Variants in TSC22D1 observed in about 807,000 individuals in gnomAD.
TSC22D1 encodes TSC22 domain family protein 1.
A neutral mutation model predicts 74.2 loss-of-function variants in TSC22D1; 9 were observed. The observed-to-expected ratio is 0.12, with a 90% CI of 0.07 to 0.21. The LOEUF (loss-of-function observed/expected upper bound fraction) is 0.21, where lower values mean the gene tolerates loss of function less well. Among genes scored for constraint, TSC22D1 ranks in the 10% least tolerant of loss-of-function variants. The probability of loss-of-function intolerance (pLI) is 1.00; values close to 1 mark genes in which losing one functional copy is unlikely to be tolerated. For synonymous variants in TSC22D1, 586 were observed against 492.5 expected, an observed-to-expected ratio of 1.19 and a Z score of -2.51; for missense variants, 1,427 against 1,304.7, an observed-to-expected ratio of 1.09 and a Z score of -1.44.
intron 1 of TSC22D1, among the ~76,000 whole-genome samples, chr13:44,437,923 G>GT (rs1224223774): frequency 6.6e-6 from 1 of 152,166 alleles, no homozygotes; most frequent in East Asian, 1.9e-4. Context: ...GCTCACCTCT[G>GT]TTTCACCCTC....
At chr13:44,442,376 A>G (rs903709208) in intron 1 of TSC22D1, among the ~76,000 whole-genome samples, 6 of 152,248 alleles carry the variant, frequency 3.9e-5, no homozygotes, top group African/African-American at 1.4e-4. Context: ...ATAGACAGGA[A>G]CATTAAAAAC....
At chr13:44,524,445 A>G (rs954239634) in intron 1 of TSC22D1, among the ~76,000 whole-genome samples, 1 of 152,218 alleles carries the variant, frequency 6.6e-6, no homozygotes, top group African/African-American at 2.4e-5. Context: ...CTGGAAGAAA[A>G]ACTTAAATAG....
At chr13:44,448,979 C>T (rs535464764) in intron 1 of TSC22D1, among the ~76,000 whole-genome samples, 34 of 151,998 alleles carry the variant, frequency 2.2e-4, no homozygotes, top group Non-Finnish European at 3.5e-4. Flanking sequence ...CTGATCTCAA[C>T]GGAGCCACAG....
intron 1 of TSC22D1, among the ~76,000 whole-genome samples, chr13:44,522,654 A>G (rs879308051): frequency 1.3e-5 from 2 of 152,198 alleles, no homozygotes; most frequent in Non-Finnish European, 2.9e-5. Flanking sequence ...AATCTATCCA[A>G]CACTGACCTT....
At chr13:44,508,674 T>C (rs1017025574) in intron 1 of TSC22D1, among the ~76,000 whole-genome samples, 11 of 152,118 alleles carry the variant, frequency 7.2e-5, no homozygotes, top group African/African-American at 2.2e-4. Context: ...CACAGTATAA[T>C]AGGAACCTAA....
intron 1 of TSC22D1, among the ~76,000 whole-genome samples, chr13:44,528,857 T>C (rs184637856): frequency 1.4e-3 from 206 of 152,254 alleles, no homozygotes; most frequent in African/African-American, 4.2e-3. Flanking sequence ...TGAGCAGTTC[T>C]GTCTCCACAA....
intron 1 of TSC22D1, among the ~76,000 whole-genome samples, chr13:44,522,883 A>T (rs545251190): frequency 6.6e-6 from 1 of 152,302 alleles, no homozygotes; most frequent in South Asian, 2.1e-4. Flanking sequence ...AAAAATGAAA[A>T]GACAAGCCAC....
chr13:44,468,938 T>C (rs926847477), intron 1 of TSC22D1, among the ~76,000 whole-genome samples: 7 of 151,910 alleles, frequency 4.6e-5, no homozygotes, highest in Admixed American at 2.0e-4. Context: ...CCTAATAATA[T>C]CTTAAAGGCT....
At position 44,436,112 on chromosome 13, in the gene TSC22D1, A is replaced by G. The variant is rs1874593209; in HGVS notation, c.2913-17T>C. The G allele has an allele frequency of 6.2e-7, 1 of 1,606,176 alleles. No individual in the cohort carries two copies. The highest frequency in any genetic ancestry group is 1.1e-5 in the South Asian group (1 of 89,394). On this transcript the variant is annotated splice_polypyrimidine_tract_variant and intron_variant, in intron 1 of 2. Transcript: ENST00000458659. The stretch of plus-strand genomic sequence containing the variant: ...CCAGAGGAGCTGAAAAAGAGGAGGG[A>G]AAAAGGTCATCGATAAATGGAATTT...
intron 1 of TSC22D1, among the ~76,000 whole-genome samples, chr13:44,515,879 T>C (rs1333560056): frequency 1.3e-5 from 2 of 152,228 alleles, no homozygotes; most frequent in Non-Finnish European, 2.9e-5. Flanking sequence ...CTTTGCAATA[T>C]GTACCATTTT....
In TSC22D1 at chr13:44,434,607, T is replaced by C. The variant is rs746192578; in HGVS notation, c.*19A>G. On this transcript the variant is annotated 3_prime_UTR_variant, in exon 3 of 3. Coordinates refer to ENST00000458659, the MANE Select transcript of TSC22D1 (RefSeq NM_183422.4). ...GTTCAGTTCACACGCAGCAGCCAGT[T>C]CTGCGGGGGCATAGGCAGCTATGCG... The C allele has an allele frequency of 2.0e-6, 3 of 1,515,402 alleles. No homozygotes were observed. The Admixed American group carries it at 6.8e-5, about 35-fold the overall frequency. 93.9% of individuals were successfully genotyped at this position (1,515,402 alleles called of 1,614,324 possible). A position where few individuals can be genotyped will look rare whatever the true frequency, so the allele number is the denominator to read the frequency against.
intron 1 of TSC22D1, among the ~76,000 whole-genome samples, chr13:44,554,331 T>C (rs1253398453): frequency 6.6e-6 from 1 of 152,178 alleles, no homozygotes; most frequent in Non-Finnish European, 1.5e-5. Flanking sequence ...AAACTCTACC[T>C]CATTATGCTT....
At chr13:44,444,472 C>A (rs566322651) in intron 1 of TSC22D1, among the ~76,000 whole-genome samples, 1 of 151,446 alleles carries the variant, frequency 6.6e-6, no homozygotes, top group South Asian at 2.1e-4. Flanking sequence ...CAAATAGGTA[C>A]AATAAGAATA....
intron 2 of TSC22D1, chr13:44,435,240 C>G (rs1172933495): frequency 5.0e-6 from 1 of 198,778 alleles, no homozygotes; most frequent in African/African-American, 2.3e-5. Context: ...CCAGGCCCCG[C>G]CCCGCGCTCG....
At chr13:44,475,225 G>A (rs529857139) in intron 1 of TSC22D1, among the ~76,000 whole-genome samples, 1 of 152,150 alleles carries the variant, frequency 6.6e-6, no homozygotes, top group South Asian at 2.1e-4. Context: ...AAAAAATTTT[G>A]TAGTAGAAAA....
At chr13:44,538,980 C>T in intron 1 of TSC22D1, 2 of 985,318 alleles carry the variant, frequency 2.0e-6, no homozygotes, top group Non-Finnish European at 2.4e-6. Flanking sequence ...GAAAACTTGC[C>T]AAAGGTAACA....
chr13:44,489,235 A>G (rs1878592487), intron 1 of TSC22D1, among the ~76,000 whole-genome samples: 1 of 150,792 alleles, frequency 6.6e-6, no homozygotes, highest in Non-Finnish European at 1.5e-5. Flanking sequence ...CAGAAGAATT[A>G]TAGCTCTAAC....
intron 1 of TSC22D1, among the ~76,000 whole-genome samples, chr13:44,506,862 AGGCAAGAC>A (rs2137997396): frequency 6.6e-6 from 1 of 152,280 alleles, no homozygotes; most frequent in African/African-American, 2.4e-5. Flanking sequence ...AAGAACAAAA[AGGCAAGAC>A]ACTACAGAAT....
intron 1 of TSC22D1, among the ~76,000 whole-genome samples, chr13:44,531,892 T>C (rs1880858514): frequency 6.6e-6 from 1 of 152,252 alleles, no homozygotes; most frequent in Admixed American, 6.5e-5. Context: ...TCAGGACTAC[T>C]TCTTCACCAT....
Sources: allele counts gnomAD v4.1 joint callset (sites outside exome capture counted in the v4.1 genomes callset), GRCh38; gene constraint gnomAD v4.1.1; transcripts MANE v1.5; gene names NCBI Gene and HGNC (gene_info 2026-07-23, HGNC 2026-07-21).